The following STYXL1 variants were observed in gnomAD, a reference collection of about 807,000 sequenced individuals.
The protein encoded by STYXL1 is serine/threonine/tyrosine interacting like 1, also known as serine/threonine/tyrosine-interacting-like protein 1.
Under a neutral mutation model 36.4 loss-of-function variants are expected in STYXL1, and 32 were observed. That is an observed-to-expected ratio of 0.88 (90% CI 0.66 to 1.18). The LOEUF (loss-of-function observed/expected upper bound fraction) is 1.18, where lower values mean the gene tolerates loss of function less well. STYXL1 is among the 50% of genes most tolerant of loss of function. STYXL1 has a pLI of 0.00. For missense variants in STYXL1, 354 were observed against 394.1 expected, an observed-to-expected ratio of 0.90 and a Z score of 0.86; for synonymous variants, 133 against 144.1, an observed-to-expected ratio of 0.92 and a Z score of 0.55.
intron 1 of STYXL1, among the ~76,000 whole-genome samples, chr7:76,035,461 A>G (rs73366077): frequency 0.018 from 2,694 of 150,080 alleles, 165 homozygotes; most frequent in African/African-American, 0.062. Context: ...TACATGCTGC[A>G]AAGTAATAGT....
At chr7:76,011,190 G>A (rs1299777956) in intron 5 of STYXL1, among the ~76,000 whole-genome samples, 3 of 152,098 alleles carry the variant, frequency 2.0e-5, no homozygotes, top group African/African-American at 7.2e-5. Context: ...CTCCAGCCTG[G>A]GCAACAGAGT....
intron 3 of STYXL1, among the ~76,000 whole-genome samples, chr7:76,026,192 C>CGAA (rs1794696038): frequency 5.4e-5 from 1 of 18,614 alleles, no homozygotes; most frequent in Non-Finnish European, 8.7e-5. Context: ...ACTCTGTCTC[C>CGAA]AAAAAAAAAA....
chr7:76,005,353 A>C lies in STYXL1; in HGVS notation c.505T>G (p.Phe169Val). The C allele has an allele frequency of 6.2e-7, 1 of 1,613,624 alleles. No individual in the cohort carries two copies. Among genetic ancestry groups the C allele is most frequent in the South Asian group, 1.1e-5 (1 of 91,042 alleles). Residue 169 changes from phenylalanine (F) to valine (V), a missense_variant, in exon 6 of 9, where the codon TTC becomes GTC. By Grantham distance (50) the Phe-to-Val change is conservative (BLOSUM62 -1). Transcript: ENST00000359697. ...CAGGCTTGACTGAAATTGCCAACGA[A>C]GACCTTCCCTGGCACGATTTCAATG... ...YPIEIVPGKV[F>V]VGNFSQACDP...
chr7:76,022,360 T>C (rs1228828437), intron 3 of STYXL1, among the ~76,000 whole-genome samples: 4 of 152,008 alleles, frequency 2.6e-5, no homozygotes, highest in Admixed American at 1.3e-4. Flanking sequence ...GCAGTGGAGA[T>C]TGAATCCAGA....
rs186191018 is a variant in STYXL1, at chr7:76,035,748, G to A, written c.-4-5221C>T. Among the ~76,000 whole-genome samples the A allele has an allele frequency of 5.9e-4, 89 of 149,680 alleles. 5 individuals carry two copies. The highest frequency in any genetic ancestry group is 1.0e-4 in the Non-Finnish European group (7 of 66,950). The stretch of plus-strand genomic sequence containing the variant: ...CTGGCTCCTAACCCATCTGGTCTAT[G>A]GCTCATACCCATCCTCAGCTACTAC... On this transcript the variant is annotated intron_variant, in intron 1 of 8. Coordinates refer to ENST00000359697, the MANE Select transcript of STYXL1 (RefSeq NM_001317785.2).
intron 4 of STYXL1, among the ~76,000 whole-genome samples, chr7:76,016,490 T>G (rs1793394882): frequency 6.6e-6 from 1 of 151,886 alleles, no homozygotes; most frequent in African/African-American, 2.4e-5. Context: ...CACGTATATA[T>G]ATAAAAACAC....
At chr7:76,029,588 T>G (rs1795101214) in intron 2 of STYXL1, among the ~76,000 whole-genome samples, 1 of 152,120 alleles carries the variant, frequency 6.6e-6, no homozygotes, top group Non-Finnish European at 1.5e-5. Context: ...ATTACATTTT[T>G]TGTGCATTTC....
intron 3 of STYXL1, among the ~76,000 whole-genome samples, chr7:76,022,596 C>CG (rs1794210219): frequency 6.6e-6 from 1 of 152,044 alleles, no homozygotes; most frequent in Non-Finnish European, 1.5e-5. Context: ...GCCCAGGAGG[C>CG]GGAGGCTGCA....
At chr7:76,011,180 C>T (rs1390551863) in intron 5 of STYXL1, among the ~76,000 whole-genome samples, 19 of 152,190 alleles carry the variant, frequency 1.2e-4, no homozygotes, top group African/African-American at 4.6e-4. Flanking sequence ...CACCACTGCA[C>T]TCCAGCCTGG....
chr7:76,023,756 C>T (rs1794350580), intron 3 of STYXL1, among the ~76,000 whole-genome samples: 1 of 152,004 alleles, frequency 6.6e-6, no homozygotes, highest in African/African-American at 2.4e-5. Context: ...AGGCTCATGT[C>T]TGTAATCCCA....
intron 2 of STYXL1, among the ~76,000 whole-genome samples, chr7:76,029,216 G>A (rs987029771): frequency 6.6e-6 from 1 of 151,992 alleles, no homozygotes; most frequent in African/African-American, 2.4e-5. Flanking sequence ...GCATGATCTC[G>A]GCTCACTGCA....
intron 1 of STYXL1, among the ~76,000 whole-genome samples, chr7:76,038,309 T>C (rs896624203): frequency 4.7e-5 from 7 of 149,742 alleles, no homozygotes; most frequent in Admixed American, 3.3e-4. Flanking sequence ...GTGGGGGTGT[T>C]TGGTTCTGTG....
chr7:75,999,520 T>TGTGTGA (rs1790571884), intron 8 of STYXL1, among the ~76,000 whole-genome samples: 1 of 125,206 alleles, frequency 8.0e-6, no homozygotes, highest in Non-Finnish European at 1.7e-5. Context: ...TATGTGTGTG[T>TGTGTGA]GTGTGTGTGT....
At chr7:76,046,932 T>C (rs1554583914) in intron 1 of STYXL1, among the ~76,000 whole-genome samples, 1 of 150,872 alleles carries the variant, frequency 6.6e-6, no homozygotes, top group Admixed American at 6.6e-5. Context: ...ATTACAGGCA[T>C]GAGCCACCTT....
At chr7:76,017,720 T>C (rs905280824) in intron 4 of STYXL1, among the ~76,000 whole-genome samples, 2 of 136,708 alleles carry the variant, frequency 1.5e-5, no homozygotes, top group African/African-American at 4.9e-5. Flanking sequence ...ACCCTGTCTG[T>C]ACTGAAAATA....
At chr7:76,000,667 C>T (rs2116741355) in intron 8 of STYXL1, 1 of 608,266 alleles carries the variant, frequency 1.6e-6, no homozygotes, top group East Asian at 3.2e-5. Context: ...CCTGACCTGG[C>T]CTGAGTCCCT....
At chr7:76,042,658 C>T (rs1343245988) in intron 1 of STYXL1, among the ~76,000 whole-genome samples, 4 of 151,806 alleles carry the variant, frequency 2.6e-5, no homozygotes, top group African/African-American at 7.3e-5. Flanking sequence ...CCATCTGCCT[C>T]GGCCTCCCAA....
chr7:76,046,493 C>A (rs1443195646), intron 1 of STYXL1, among the ~76,000 whole-genome samples: 4 of 149,560 alleles, frequency 2.7e-5, no homozygotes, highest in African/African-American at 9.9e-5. Flanking sequence ...ACTACAGGCA[C>A]ACGCCACCAT....
chr7:76,020,735 T>TC (rs1240894395), intron 4 of STYXL1, among the ~76,000 whole-genome samples: 2 of 152,132 alleles, frequency 1.3e-5, no homozygotes, highest in African/African-American at 4.8e-5. Flanking sequence ...GGTCTTGAAC[T>TC]CCTGGGCTCA....
Sources: allele counts gnomAD v4.1 joint callset (sites outside exome capture counted in the v4.1 genomes callset), GRCh38; gene constraint gnomAD v4.1.1; transcripts MANE v1.5; gene names NCBI Gene and HGNC (gene_info 2026-07-23, HGNC 2026-07-21).